Variants in ERC1 observed in about 807,000 individuals in gnomAD.
The protein encoded by ERC1 is ELKS/RAB6-interacting/CAST family member 1.
In ERC1, 56 loss-of-function variants were observed where a neutral mutation model predicts 132.0. The ratio of observed to expected loss-of-function variants is 0.42; its 90% CI spans 0.34 to 0.53. The LOEUF (loss-of-function observed/expected upper bound fraction) is 0.53, where lower values mean the gene tolerates loss of function less well. Ranked by LOEUF, ERC1 falls within the 20% of genes least tolerant of loss-of-function variation. The pLI, the probability that ERC1 is intolerant of heterozygous loss-of-function variation, is 0.03. For synonymous variants in ERC1, 478 were observed against 476.1 expected (o/e 1.00, Z -0.05); for missense variants, 1,202 against 1,349.9 (o/e 0.89, Z 1.72).
chr12:1,049,060 C>T (rs1971501217), intron 2 of ERC1, among the ~76,000 whole-genome samples: 1 of 152,204 alleles, frequency 6.6e-6, no homozygotes, highest in Non-Finnish European at 1.5e-5. Flanking sequence ...CATAAAGCTA[C>T]TGTGCATATT....
intron 12 of ERC1, among the ~76,000 whole-genome samples, chr12:1,198,240 C>T (rs747616057): frequency 1.3e-5 from 2 of 152,058 alleles, no homozygotes; most frequent in Non-Finnish European, 2.9e-5. Flanking sequence ...GAAATTTGGA[C>T]TCTTAAGTCT....
At position 1,038,020 on chromosome 12, in the gene ERC1, G is replaced by A. The variant is rs376751012; in HGVS notation, c.669+9448G>A. Among the ~76,000 whole-genome samples the A allele has an allele frequency of 7.7e-4, 117 of 151,566 alleles. 3 individuals carry two copies. The South Asian group carries it at 0.024, about 31-fold the overall frequency. ...AGATTGCGCCACTGCACTCCAGCCT[G>A]GGCGACAGAGCAAGACTCCGTCTCA... On this transcript the variant is annotated intron_variant, in intron 2 of 18. Transcript: ENST00000360905.
At chr12:1,264,223 T>TA (rs1354885582) in intron 14 of ERC1, among the ~76,000 whole-genome samples, 1 of 152,198 alleles carries the variant, frequency 6.6e-6, no homozygotes, top group Non-Finnish European at 1.5e-5. Context: ...GTTTTACATA[T>TA]ATCCTGCATC....
At chr12:1,303,779 AC>A (rs2080608227) in intron 15 of ERC1, among the ~76,000 whole-genome samples, 1 of 151,844 alleles carries the variant, frequency 6.6e-6, no homozygotes, top group African/African-American at 2.4e-5. Context: ...ACATGGAGAA[AC>A]CTTGTCTCTA....
At chr12:1,158,917 A>C (rs183271010) in intron 8 of ERC1, among the ~76,000 whole-genome samples, 50 of 152,058 alleles carry the variant, frequency 3.3e-4, no homozygotes, top group African/African-American at 1.1e-3. Context: ...ATGTATAGAG[A>C]ATAATATACT....
intron 8 of ERC1, among the ~76,000 whole-genome samples, chr12:1,150,544 T>A (rs765183211): frequency 1.3e-5 from 2 of 152,232 alleles, no homozygotes; most frequent in African/African-American, 4.8e-5. Flanking sequence ...GGCTTTTTAT[T>A]TGATGAGTCA....
At chr12:1,034,281 A>G (rs990595445) in intron 2 of ERC1, among the ~76,000 whole-genome samples, 2 of 152,328 alleles carry the variant, frequency 1.3e-5, no homozygotes, top group African/African-American at 4.8e-5. Flanking sequence ...TTTTTATTAT[A>G]AGAAATATTG....
chr12:1,303,498 G>T (rs1017686165), intron 15 of ERC1, among the ~76,000 whole-genome samples: 1 of 151,988 alleles, frequency 6.6e-6, no homozygotes, highest in Non-Finnish European at 1.5e-5. Context: ...AATTAGCTGG[G>T]TGTGGCGGCG....
chr12:1,078,729 GT>G (rs1450711970), intron 2 of ERC1, among the ~76,000 whole-genome samples: 2 of 152,132 alleles, frequency 1.3e-5, no homozygotes, highest in Non-Finnish European at 1.5e-5. Flanking sequence ...AAGAAAAAAT[GT>G]TCAATAACAA....
intron 18 of ERC1, among the ~76,000 whole-genome samples, chr12:1,468,066 G>C (rs2154426311): frequency 1.3e-5 from 2 of 152,322 alleles, no homozygotes; most frequent in South Asian, 4.1e-4. Flanking sequence ...CTGGGAGTTG[G>C]AGACTCCCGA....
At chr12:1,049,214 T>G (rs1971525952) in intron 2 of ERC1, among the ~76,000 whole-genome samples, 1 of 152,234 alleles carries the variant, frequency 6.6e-6, no homozygotes, top group South Asian at 2.1e-4. Context: ...GAATTTGACA[T>G]TTCTGTCCTC....
In ERC1 at chr12:1,385,485, C is replaced by T. The variant is rs543830823; in HGVS notation, c.2925+13508C>T. Reference sequence around the variant, plus strand: ...TTTTTAGTAGAGACGGGGGTTTCACCGTGTTAGCCAGGATGGTCTCGATCT... The same window carrying T: ...TTTTTAGTAGAGACGGGGGTTTCACTGTGTTAGCCAGGATGGTCTCGATCT... On this transcript the variant is annotated intron_variant, in intron 16 of 18. Transcript: ENST00000360905. Among the ~76,000 whole-genome samples the T allele has an allele frequency of 1.2e-4, 18 of 152,230 alleles. 1 individual carries two copies. The highest frequency in any genetic ancestry group is 4.3e-4 in the African/African-American group (18 of 41,548).
intron 2 of ERC1, among the ~76,000 whole-genome samples, chr12:1,049,906 G>C (rs548876477): frequency 6.6e-6 from 1 of 152,068 alleles, no homozygotes; most frequent in Admixed American, 6.6e-5. Flanking sequence ...ACCATGCCCG[G>C]CTAATTTTGT....
intron 12 of ERC1, among the ~76,000 whole-genome samples, chr12:1,214,483 A>G (rs1012890934): frequency 4.6e-5 from 7 of 152,130 alleles, no homozygotes; most frequent in African/African-American, 1.7e-4. Context: ...AGTTAGATAT[A>G]AACATATAAC....
At chr12:1,286,190 A>G (rs954583578) in intron 14 of ERC1, among the ~76,000 whole-genome samples, 10 of 151,780 alleles carry the variant, frequency 6.6e-5, no homozygotes, top group African/African-American at 2.4e-4. Flanking sequence ...GCTACTTGGG[A>G]AGCTGAGGCA....
chr12:1,043,348 A>G (rs1295972910), intron 2 of ERC1, among the ~76,000 whole-genome samples: 2 of 152,252 alleles, frequency 1.3e-5, no homozygotes, highest in East Asian at 1.9e-4. Flanking sequence ...CGGCCTGTAC[A>G]GAGTATTTTC....
Position 1,491,613 on chromosome 12 carries a change from G to A in ERC1, c.*1383G>A, listed in dbSNP as rs988539650. The A allele has an allele frequency of 2.2e-5, 5 of 228,772 alleles. 1 individual carries two copies. Among genetic ancestry groups the A allele is most frequent in the South Asian group, 3.6e-4 (2 of 5,492 alleles). The allele number at this position is 228,772 out of a possible 1,614,324, so 14.2% of individuals were successfully genotyped here. ...ATGAGTTTGGGGGTCTCAGTCACCCGCTTGCCTGTAGGATTCCATTTGATG... is the reference window on the plus strand; with the variant it reads ...ATGAGTTTGGGGGTCTCAGTCACCCACTTGCCTGTAGGATTCCATTTGATG... On this transcript the variant is annotated 3_prime_UTR_variant, in exon 19 of 19. Coordinates refer to ENST00000360905, the MANE Select transcript of ERC1 (RefSeq NM_178040.4).
rs150709587 is a variant in ERC1, at chr12:1,399,143, G to T, written c.2926-9006G>T. ...TTTTTTTATTTTTTTGTAGATACAG[G>T]GTCTGGTTATGTTGCCCAGGCTGGT... On this transcript the variant is annotated intron_variant, in intron 16 of 18. Coordinates refer to ENST00000360905, the MANE Select transcript of ERC1 (RefSeq NM_178040.4). Among the ~76,000 whole-genome samples the T allele has an allele frequency of 4.3e-3, 651 of 150,384 alleles. 10 individuals are homozygous for T. The highest frequency in any genetic ancestry group is 0.015 in the African/African-American group (621 of 40,944).
intron 8 of ERC1, among the ~76,000 whole-genome samples, chr12:1,177,340 A>T (rs1296456781): frequency 6.6e-6 from 1 of 152,144 alleles, no homozygotes. Context: ...TGCCTTCCTC[A>T]CTAAGCTTAA....
Sources: gnomAD v4.1 joint callset for allele counts (sites outside exome capture counted in the v4.1 genomes callset) on GRCh38, gnomAD v4.1.1 for gene constraint, MANE v1.5 for transcripts, NCBI Gene and HGNC (gene_info 2026-07-23, HGNC 2026-07-21) for gene names.